The following PAX7 variants were observed in gnomAD, a reference collection of about 807,000 sequenced individuals.
PAX7 encodes the protein paired box protein Pax-7.
Under a neutral mutation model 50.7 loss-of-function variants are expected in PAX7, and 18 were observed. The ratio of observed to expected loss-of-function variants is 0.36; its 90% CI spans 0.25 to 0.53. The LOEUF is 0.53. PAX7 is among the 20% of genes least tolerant of loss of function. The pLI is 0.93. For synonymous variants in PAX7, 310 were observed against 290.4 expected, an observed-to-expected ratio of 1.07 and a Z score of -0.69; for missense variants, 644 against 702.9, an observed-to-expected ratio of 0.92 and a Z score of 0.95.
chr1:18,746,405 G>A lies in PAX7; in HGVS notation c.*1476G>A, dbSNP rs1432073685. Reference sequence around the variant, plus strand: ...GAAGTTCCATGCTTTTAAGAGCTGGGACCTTGGGAGGATGATTCAAACCCT... The same window carrying A: ...GAAGTTCCATGCTTTTAAGAGCTGGAACCTTGGGAGGATGATTCAAACCCT... On this transcript the variant is annotated 3_prime_UTR_variant, in exon 9 of 9. Coordinates refer to ENST00000420770, the MANE Select transcript of PAX7 (RefSeq NM_001135254.2). The A allele has an allele frequency of 8.7e-6, 2 of 230,872 alleles. No individual in the cohort carries two copies. Among genetic ancestry groups the A allele is most frequent in the Non-Finnish European group, 1.7e-5 (2 of 116,660 alleles). 14.3% of individuals were successfully genotyped at this position (230,872 alleles called of 1,614,324 possible). A position where few individuals can be genotyped will look rare whatever the true frequency, so the allele number is the denominator to read the frequency against.
rs1183666619 is a variant in PAX7, at chr1:18,724,222, C to T, written c.1156-11410C>T. Among the ~76,000 whole-genome samples the T allele has an allele frequency of 1.0e-4, 15 of 148,000 alleles. No individual in the cohort carries two copies. The East Asian group carries it at 2.0e-3, about 19-fold the overall frequency. On this transcript the variant is annotated intron_variant, in intron 7 of 8. Transcript: ENST00000420770. ...CTGGGCCCCACTCCACCAGTCGAGG[C>T]TGGCTCAAGGCCTCCCTGCTCTGTC... is the stretch of plus-strand genomic sequence containing the variant.
At chr1:18,716,827 C>T (rs2089429788) in intron 7 of PAX7, among the ~76,000 whole-genome samples, 2 of 149,678 alleles carry the variant, frequency 1.3e-5, no homozygotes, top group South Asian at 4.2e-4. Context: ...CCCCCTCCAT[C>T]TTCAGCCCCT....
chr1:18,738,206 C>A (rs528837240), intron 8 of PAX7, among the ~76,000 whole-genome samples: 1 of 152,038 alleles, frequency 6.6e-6, no homozygotes, highest in African/African-American at 2.4e-5. Context: ...GCAGGGTGCA[C>A]GCATGTGCAT....
At chr1:18,674,499 G>C (rs996595529) in intron 4 of PAX7, among the ~76,000 whole-genome samples, 1 of 152,232 alleles carries the variant, frequency 6.6e-6, no homozygotes, top group Non-Finnish European at 1.5e-5. Flanking sequence ...GGAGCAGGCA[G>C]GGAGGCAGGC....
At chr1:18,739,456 G>A (rs143607204) in intron 8 of PAX7, among the ~76,000 whole-genome samples, 1 of 152,334 alleles carries the variant, frequency 6.6e-6, no homozygotes, top group East Asian at 1.9e-4. Flanking sequence ...AAAGGAAGGA[G>A]GAACGACCAT....
intron 4 of PAX7, among the ~76,000 whole-genome samples, chr1:18,644,226 A>G (rs1363532905): frequency 6.6e-6 from 1 of 152,092 alleles, no homozygotes; most frequent in Non-Finnish European, 1.5e-5. Context: ...CCCTCCTCCG[A>G]CCGCCTTGCT....
At chr1:18,642,822 T>C (rs1268259237) in intron 4 of PAX7, among the ~76,000 whole-genome samples, 1 of 150,806 alleles carries the variant, frequency 6.6e-6, no homozygotes, top group Non-Finnish European at 1.5e-5. Flanking sequence ...CATTAGTAGA[T>C]AGATGTCTCC....
intron 7 of PAX7, among the ~76,000 whole-genome samples, chr1:18,722,811 G>A (rs1223577402): frequency 1.3e-5 from 2 of 152,104 alleles, no homozygotes; most frequent in Admixed American, 1.3e-4. Flanking sequence ...ATCAGACCTG[G>A]GTAAATAGGT....
At chr1:18,674,685 C>A (rs537608474) in intron 4 of PAX7, among the ~76,000 whole-genome samples, 1 of 152,346 alleles carries the variant, frequency 6.6e-6, no homozygotes, top group East Asian at 1.9e-4. Flanking sequence ...CATGGCACCG[C>A]TGTCTGTCCC....
intron 4 of PAX7, among the ~76,000 whole-genome samples, chr1:18,641,148 G>T (rs2088247427): frequency 6.6e-6 from 1 of 152,260 alleles, no homozygotes. Flanking sequence ...AGATAAACTC[G>T]TGCCTAAATT....
chr1:18,728,958 CA>C (rs2089613263), intron 7 of PAX7, among the ~76,000 whole-genome samples: 1 of 152,112 alleles, frequency 6.6e-6, no homozygotes, highest in African/African-American at 2.4e-5. Context: ...CAGACAGACC[CA>C]GGGGAGAGGC....
chr1:18,686,458 G>T (rs149760562), intron 4 of PAX7, among the ~76,000 whole-genome samples: 24 of 152,094 alleles, frequency 1.6e-4, no homozygotes, highest in Non-Finnish European at 3.2e-4. Context: ...TGCGTACCCC[G>T]AATCTGGCTG....
intron 5 of PAX7, among the ~76,000 whole-genome samples, chr1:18,698,686 G>A (rs1190766874): frequency 6.6e-6 from 1 of 152,208 alleles, no homozygotes; most frequent in Admixed American, 6.5e-5. Flanking sequence ...TGCCACTCCA[G>A]GGTGCCCCGG....
intron 4 of PAX7, among the ~76,000 whole-genome samples, chr1:18,684,340 T>A (rs1374391313): frequency 6.6e-6 from 1 of 152,158 alleles, no homozygotes. Flanking sequence ...AATGCTGAGA[T>A]GAGCTCCCAA....
At chr1:18,723,092 A>T (rs2089514527) in intron 7 of PAX7, among the ~76,000 whole-genome samples, 1 of 152,214 alleles carries the variant, frequency 6.6e-6, no homozygotes, top group Non-Finnish European at 1.5e-5. Flanking sequence ...TGGCAGCAAG[A>T]GGCGAATCTG....
chr1:18,652,490 T>G (rs1364109375), intron 4 of PAX7, among the ~76,000 whole-genome samples: 1 of 152,138 alleles, frequency 6.6e-6, no homozygotes, highest in Non-Finnish European at 1.5e-5. Flanking sequence ...AGAAAGGGAC[T>G]GACAGAGGAG....
intron 7 of PAX7, among the ~76,000 whole-genome samples, chr1:18,705,957 C>T (rs1210175300): frequency 6.6e-6 from 1 of 152,144 alleles, no homozygotes; most frequent in Non-Finnish European, 1.5e-5. Flanking sequence ...TGAACAGCTG[C>T]TGGAGGAGGG....
intron 7 of PAX7, among the ~76,000 whole-genome samples, chr1:18,711,895 C>T (rs1399804170): frequency 6.6e-6 from 1 of 152,182 alleles, no homozygotes; most frequent in South Asian, 2.1e-4. Flanking sequence ...CCCTCCCCAA[C>T]TGGCCTTCTG....
intron 4 of PAX7, among the ~76,000 whole-genome samples, chr1:18,664,641 C>T (rs1192057683): frequency 2.6e-5 from 4 of 152,152 alleles, no homozygotes; most frequent in South Asian, 2.1e-4. Flanking sequence ...GGATGACATC[C>T]GTTGCTCAGA....
Sources: gnomAD v4.1 joint callset for allele counts (sites outside exome capture counted in the v4.1 genomes callset) on GRCh38, gnomAD v4.1.1 for gene constraint, MANE v1.5 for transcripts, NCBI Gene and HGNC (gene_info 2026-07-23, HGNC 2026-07-21) for gene names.